KANK1: variants seen among roughly 807,000 people sequenced by gnomAD.
The protein encoded by KANK1 is KN motif and ankyrin repeat domains 1.
A neutral mutation model predicts 106.2 loss-of-function variants in KANK1; 109 were observed. That is an observed-to-expected ratio of 1.03 (90% CI 0.88 to 1.20). KANK1 has a LOEUF of 1.20. Among genes scored for constraint, KANK1 ranks in the 50% most tolerant of loss-of-function variants. The pLI, the probability that KANK1 is intolerant of heterozygous loss-of-function variation, is 0.00. For synonymous variants in KANK1, 873 were observed against 652.2 expected (o/e 1.34, Z -5.16); for missense variants, 2,399 against 1,710.7 (o/e 1.40, Z -7.10).
At chr9:637,365 G>T (rs1398994842) in intron 1 of KANK1, among the ~76,000 whole-genome samples, 14 of 152,130 alleles carry the variant, frequency 9.2e-5, no homozygotes. Context: ...GGTGGCACTT[G>T]TATAGCCCAT....
At chr9:660,025 G>T in intron 1 of KANK1, 1 of 323,250 alleles carries the variant, frequency 3.1e-6, no homozygotes, top group Non-Finnish European at 6.2e-6. Context: ...CCACCCCTTT[G>T]CTGATACAAG....
chr9:687,928 C>T (rs1340459161), intron 2 of KANK1, among the ~76,000 whole-genome samples: 1 of 152,164 alleles, frequency 6.6e-6, no homozygotes, highest in African/African-American at 2.4e-5. Flanking sequence ...CCCAACAATG[C>T]CTTGCTTAGT....
At position 577,343 on chromosome 9, in the gene KANK1, T is replaced by G. The variant is rs2804273; in HGVS notation, c.-84+72589T>G. Among the ~76,000 whole-genome samples the G allele has an allele frequency of 2.0e-5, 3 of 152,024 alleles. 1 individual carries two copies. The highest frequency in any genetic ancestry group is 7.2e-5 in the African/African-American group (3 of 41,400). The stretch of plus-strand genomic sequence containing the variant: ...TTGGTGTGTTATTACAGAGTGCTGA[T>G]TGGTGCATTTACAAACCTTTAGCTA... On this transcript the variant is annotated intron_variant, in intron 1 of 11. Coordinates refer to ENST00000382297, the MANE Select transcript of KANK1 (RefSeq NM_015158.5).
chr9:574,633 G>A (rs1304464418), intron 1 of KANK1, among the ~76,000 whole-genome samples: 1 of 151,926 alleles, frequency 6.6e-6, no homozygotes, highest in Non-Finnish European at 1.5e-5. Flanking sequence ...GAGGCGGGTG[G>A]ATCCTGAGGT....
chr9:529,028 G>A (rs976810636), intron 1 of KANK1, among the ~76,000 whole-genome samples: 35 of 152,032 alleles, frequency 2.3e-4, no homozygotes, highest in African/African-American at 7.2e-4. Context: ...TGAACTCCTG[G>A]ACTCAAGTGA....
Position 664,229 on chromosome 9 carries a change from C to G in KANK1, c.-83-12661C>G, listed in dbSNP as rs1330987457. ...TACTGCTCTTCATTCCCCATCCCCA[C>G]TACCCTTCCCAGCCTCCGGTAACCA... On this transcript the variant is annotated intron_variant, in intron 1 of 11. Coordinates refer to ENST00000382297, the MANE Select transcript of KANK1 (RefSeq NM_015158.5). Among the ~76,000 whole-genome samples the G allele has an allele frequency of 4.6e-5, 7 of 152,228 alleles. No individual in the cohort carries two copies. The South Asian group carries it at 8.3e-4, about 18-fold the overall frequency.
At chr9:684,344 A>G (rs1190899054) in intron 2 of KANK1, 1 of 985,316 alleles carries the variant, frequency 1.0e-6, no homozygotes, top group Admixed American at 6.1e-5. Context: ...CTGGGCAAAG[A>G]AACCCTTTGG....
At chr9:527,876 C>T (rs541078015) in intron 1 of KANK1, among the ~76,000 whole-genome samples, 13 of 150,932 alleles carry the variant, frequency 8.6e-5, no homozygotes, top group African/African-American at 2.2e-4. Context: ...GGGCGGGGCG[C>T]GATGGCTCAT....
Position 713,288 on chromosome 9 carries a change from T to C in KANK1, c.2522T>C (p.Leu841Pro), listed in dbSNP as rs772361107. ...QKLLAEQQTL[L>P]AENYSELAEA... ...CTGCTGGCAGAACAGCAGACACTGC[T>C]GGCTGAGAACTACAGTGAACTGGCA... Residue 841 changes from leucine to proline, a missense_variant, in exon 3 of 12, where the codon CTG becomes CCG. Leu to Pro is a moderately conservative substitution (Grantham distance 98). Transcript: ENST00000382297. The C allele has an allele frequency of 6.2e-7, 1 of 1,614,008 alleles. No homozygotes were observed. The highest frequency in any genetic ancestry group is 8.5e-7 in the Non-Finnish European group (1 of 1,179,942).
chr9:601,822 C>G (rs1057199303), intron 1 of KANK1, among the ~76,000 whole-genome samples: 3 of 151,812 alleles, frequency 2.0e-5, no homozygotes, highest in East Asian at 3.8e-4. Flanking sequence ...CTTGTATTTT[C>G]CTTGCCCTAC....
chr9:660,206 A>G (rs1842989089), intron 1 of KANK1: 1 of 276,554 alleles, frequency 3.6e-6, no homozygotes, highest in Non-Finnish European at 7.8e-6. Context: ...TGATACTGTA[A>G]TTGAGCATCC....
At chr9:541,845 T>G (rs1186269550) in intron 1 of KANK1, among the ~76,000 whole-genome samples, 1 of 151,980 alleles carries the variant, frequency 6.6e-6, no homozygotes, top group Admixed American at 6.5e-5. Context: ...ATCCCAGCAC[T>G]TTGGGAGGTC....
chr9:568,938 C>T (rs1451840463), intron 1 of KANK1, among the ~76,000 whole-genome samples: 3 of 152,192 alleles, frequency 2.0e-5, no homozygotes, highest in Non-Finnish European at 2.9e-5. Context: ...TCGATTTCCA[C>T]ACTCATCGGG....
At chr9:474,812 G>A (rs1216263210) in intron 3 of KANK1, among the ~76,000 whole-genome samples, 2 of 152,172 alleles carry the variant, frequency 1.3e-5, no homozygotes, top group African/African-American at 4.8e-5. Context: ...ACCACAAGCT[G>A]TCTAGGCCAT....
At position 711,131 on chromosome 9, in the gene KANK1, C is replaced by G; in HGVS notation, c.365C>G (p.Pro122Arg). Reference sequence around the variant, plus strand: ...ACATCAACTCCAATCTCAAAGCCACCTCCCCCTCTGGAGACCTCACTCCCT... The same window carrying G: ...ACATCAACTCCAATCTCAAAGCCACGTCCCCCTCTGGAGACCTCACTCCCT... ...QVTSTPISKPPPPLETSLPFL... is the reference protein window; with the variant it reads ...QVTSTPISKPRPPLETSLPFL... Residue 122 changes from proline (P) to arginine (R), a missense_variant, in exon 3 of 12, where the codon CCT (proline) becomes CGT (arginine). By Grantham distance (103) the Pro-to-Arg change is moderately radical. Coordinates refer to ENST00000382297, the MANE Select transcript of KANK1 (RefSeq NM_015158.5). 1 of 1,614,168 alleles carries G rather than the reference C, an allele frequency of 6.2e-7. No individual in the cohort carries two copies. Among genetic ancestry groups the G allele is most frequent in the South Asian group, 1.1e-5 (1 of 91,080 alleles).
At chr9:635,270 C>A (rs1321027726) in intron 1 of KANK1, among the ~76,000 whole-genome samples, 4 of 152,130 alleles carry the variant, frequency 2.6e-5, no homozygotes, top group African/African-American at 7.2e-5. Context: ...GTACCCAGCC[C>A]CCCAGGCCTA....
chr9:730,040 T>C lies in KANK1; in HGVS notation c.2699-11T>C, dbSNP rs1831775509. On this transcript the variant is annotated splice_polypyrimidine_tract_variant and intron_variant, in intron 3 of 11. Transcript: ENST00000382297. ...GCATCACACACTCTGTACCTTTCTT[T>C]TTCCTGATAGGCAATTATTTGGGAT... The C allele has an allele frequency of 6.2e-7, 1 of 1,613,022 alleles. No homozygotes were observed.
intron 2 of KANK1, among the ~76,000 whole-genome samples, chr9:692,757 G>A (rs1233040042): frequency 6.6e-6 from 1 of 151,824 alleles, no homozygotes; most frequent in Non-Finnish European, 1.5e-5. Flanking sequence ...GTTCATGCCT[G>A]TAATCCCAGC....
intron 3 of KANK1, among the ~76,000 whole-genome samples, chr9:477,441 A>C (rs1223052192): frequency 6.6e-6 from 1 of 152,248 alleles, no homozygotes; most frequent in African/African-American, 2.4e-5. Flanking sequence ...ACCAAGGGTC[A>C]GAACAATGAA....
Sources: allele counts gnomAD v4.1 joint callset (sites outside exome capture counted in the v4.1 genomes callset), GRCh38; gene constraint gnomAD v4.1.1; transcripts MANE v1.5; gene names NCBI Gene and HGNC (gene_info 2026-07-23, HGNC 2026-07-21).